The following ESRP1 variants were observed in gnomAD, a reference collection of about 807,000 sequenced individuals.
The protein encoded by ESRP1 is epithelial splicing regulatory protein 1, also known as RNA-binding motif protein 35A.
A neutral mutation model predicts 81.7 loss-of-function variants in ESRP1; 33 were observed. That is an observed-to-expected ratio of 0.40 (90% CI 0.31 to 0.54). The LOEUF (loss-of-function observed/expected upper bound fraction) is 0.54, where lower values mean the gene tolerates loss of function less well. Among genes scored for constraint, ESRP1 ranks in the 20% least tolerant of loss-of-function variants. The pLI is 0.41. For missense variants in ESRP1, 672 were observed against 833.1 expected (o/e 0.81, Z 2.38); for synonymous variants, 320 against 303.3 (o/e 1.06, Z -0.57).
intron 13 of ESRP1, among the ~76,000 whole-genome samples, chr8:94,680,464 G>C (rs1425079919): frequency 6.6e-6 from 1 of 152,034 alleles, no homozygotes; most frequent in Non-Finnish European, 1.5e-5. Context: ...TTTCGCTCTT[G>C]TTGCCTGGGC....
chr8:94,701,600 C>CT (rs138221103), intron 15 of ESRP1, among the ~76,000 whole-genome samples: 265 of 149,034 alleles, frequency 1.8e-3, no homozygotes, highest in African/African-American at 4.3e-3. Context: ...TTTTCTTTTT[C>CT]TTTTTTTTTT....
At chr8:94,691,344 A>G (rs1809396093) in intron 13 of ESRP1, among the ~76,000 whole-genome samples, 1 of 152,238 alleles carries the variant, frequency 6.6e-6, no homozygotes, top group East Asian at 1.9e-4. Context: ...CCACTGCTTT[A>G]GCAACATAGA....
At chr8:94,659,034 G>T (rs561972061) in intron 4 of ESRP1, among the ~76,000 whole-genome samples, 2 of 152,080 alleles carry the variant, frequency 1.3e-5, no homozygotes, top group Non-Finnish European at 2.9e-5. Context: ...AGCCTCCTGA[G>T]TAGATGCAAT....
intron 12 of ESRP1, among the ~76,000 whole-genome samples, chr8:94,675,067 T>C (rs568193363): frequency 8.6e-4 from 131 of 152,358 alleles, no homozygotes; most frequent in African/African-American, 3.1e-3. Flanking sequence ...AAAGTTTCCA[T>C]TGGATCACAG....
At chr8:94,642,236 C>A (rs1480505017) in intron 2 of ESRP1, among the ~76,000 whole-genome samples, 152 bp downstream of exon 2, 2 of 152,150 alleles carry the variant, frequency 1.3e-5, no homozygotes, top group African/African-American at 2.4e-5. Flanking sequence ...AGGGCCGGGG[C>A]GCACCGTTTG....
chr8:94,646,442 C>T (rs1586172106), intron 4 of ESRP1, 160 bp downstream of exon 4: 1 of 526,076 alleles, frequency 1.9e-6, no homozygotes, highest in East Asian at 3.2e-5. Flanking sequence ...CAATTATAGA[C>T]ATCTTTGAAA....
chr8:94,696,989 T>C, intron 15 of ESRP1, 28 bp downstream of exon 15: 3 of 1,449,142 alleles, frequency 2.1e-6, no homozygotes, highest in Non-Finnish European at 2.8e-6. Context: ...GCAAGTTAAA[T>C]TATAAAGGGC....
At chr8:94,704,793 A>C (rs1311808122) in intron 15 of ESRP1, among the ~76,000 whole-genome samples, 2 of 136,408 alleles carry the variant, frequency 1.5e-5, no homozygotes, top group East Asian at 2.2e-4. Context: ...AAAAAAAAAA[A>C]CTGCAGTGAG....
chr8:94,664,796 C>A lies in ESRP1; in HGVS notation c.744C>A (p.Leu248=). 6.2e-7 allele frequency: 1 copy of A among 1,613,504 alleles called. No homozygotes were observed. Among genetic ancestry groups the A allele is most frequent in the South Asian group, 1.1e-5 (1 of 91,032 alleles). The change falls in exon 7 of 16, where the codon CTC becomes CTA. Residue 248 remains leucine (L), a synonymous_variant. Transcript: ENST00000433389. ...ATATTGCAAGATTCTTCAAAGGACT[C>A]AATATTGCCAAGTTGGTTTTCTTAA... The part of the protein sequence containing the change: ...DQDIARFFKG[L]NIAKGGAALC...
At chr8:94,700,973 G>GTA (rs1427966145) in intron 15 of ESRP1, among the ~76,000 whole-genome samples, 68 of 143,166 alleles carry the variant, frequency 4.7e-4, no homozygotes, top group African/African-American at 1.7e-3. Flanking sequence ...GTGTGTGTGT[G>GTA]TGTGTGTGTG....
At position 94,662,283 on chromosome 8, in the gene ESRP1, G is replaced by C. The variant is rs1416785926; in HGVS notation, c.502G>C (p.Glu168Gln). Reference protein sequence around the residue: ...VATMTEYLNFEKSSSVSRYGA... With the variant: ...VATMTEYLNFQKSSSVSRYGA... ...ATTTAATCTCACAGATTTAAATTTT[G>C]AGAAGAGTAGTTCAGTCTCTCGATA... is the stretch of plus-strand genomic sequence containing the variant. Residue 168 changes from glutamate to glutamine, a missense_variant, in exon 5 of 16, where the codon GAG becomes CAG. Physicochemically the swap from Glu to Gln is conservative, Grantham distance 29 (BLOSUM62 2). Coordinates refer to ENST00000433389, the MANE Select transcript of ESRP1 (RefSeq NM_017697.4). 2.6e-6 allele frequency: 4 copies of C among 1,563,382 alleles called. No homozygotes were observed. The highest frequency in any genetic ancestry group is 1.4e-5 in the African/African-American group (1 of 73,920).
chr8:94,692,389 TGGA>T (rs896807930), intron 13 of ESRP1, among the ~76,000 whole-genome samples: 1 of 152,092 alleles, frequency 6.6e-6, no homozygotes, highest in African/African-American at 2.4e-5. Flanking sequence ...TGCTTTGCGG[TGGA>T]GTTGACATGA....
intron 10 of ESRP1, 152 bp downstream of exon 10, chr8:94,668,402 A>G (rs770182354): frequency 1.6e-5 from 11 of 699,092 alleles, no homozygotes; most frequent in Non-Finnish European, 2.3e-5. Flanking sequence ...TATAACCAAG[A>G]GATAGCCGCT....
intron 13 of ESRP1, among the ~76,000 whole-genome samples, chr8:94,681,275 A>G (rs890195517): frequency 2.2e-4 from 32 of 143,100 alleles, no homozygotes; most frequent in African/African-American, 8.1e-4. Flanking sequence ...GCAGTGAGCC[A>G]AGATCATGTC....
intron 14 of ESRP1, among the ~76,000 whole-genome samples, chr8:94,693,968 C>G (rs1809500960): frequency 6.6e-6 from 1 of 152,164 alleles, no homozygotes; most frequent in Non-Finnish European, 1.5e-5. Context: ...AGTAGATACT[C>G]ACTCCTCCCT....
chr8:94,695,893 T>G (rs1272067055), intron 14 of ESRP1, among the ~76,000 whole-genome samples: 1 of 152,046 alleles, frequency 6.6e-6, no homozygotes, highest in East Asian at 1.9e-4. Context: ...TGAAACCCTG[T>G]CTGTACTAAA....
At chr8:94,660,968 A>G (rs910072360) in intron 4 of ESRP1, among the ~76,000 whole-genome samples, 3 of 152,132 alleles carry the variant, frequency 2.0e-5, no homozygotes, top group Middle Eastern at 3.2e-3. Context: ...ACATCTAGGT[A>G]AGATCCTCCA....
chr8:94,664,614 C>T, intron 6 of ESRP1, 83 bp from the exon 7 acceptor site: 1 of 924,838 alleles, frequency 1.1e-6, no homozygotes, highest in Non-Finnish European at 1.8e-6. Flanking sequence ...TCCTGTGTAA[C>T]TAGGCAGTTG....
chr8:94,661,390 A>G (rs189140672), intron 4 of ESRP1, among the ~76,000 whole-genome samples: 2 of 152,302 alleles, frequency 1.3e-5, no homozygotes, highest in South Asian at 2.1e-4. Context: ...TAAAAGACAT[A>G]ATGCTATTGA....
Sources: allele counts gnomAD v4.1 joint callset (sites outside exome capture counted in the v4.1 genomes callset), GRCh38; gene constraint gnomAD v4.1.1; transcripts MANE v1.5; gene names NCBI Gene and HGNC (gene_info 2026-07-23, HGNC 2026-07-21).